The following ACADSB variants were observed in gnomAD, a reference collection of about 807,000 sequenced individuals.
The protein encoded by ACADSB is acyl-CoA dehydrogenase short/branched chain.
Under a neutral mutation model 54.1 loss-of-function variants are expected in ACADSB, and 40 were observed. The ratio of observed to expected loss-of-function variants is 0.74; its 90% CI spans 0.57 to 0.96. ACADSB has a LOEUF of 0.96. ACADSB is among the 40% of genes least tolerant of loss of function. The probability of loss-of-function intolerance (pLI) is 0.00; values close to 1 mark genes in which losing one functional copy is unlikely to be tolerated. For missense variants in ACADSB, 530 were observed against 510.4 expected (o/e 1.04, Z -0.37); for synonymous variants, 182 against 182.8 (o/e 1.00, Z 0.03).
chr10:123,057,051 T>C lies in ACADSB; in HGVS notation c.*3286T>C, dbSNP rs1850718042. 1 of 152,650 alleles carries C rather than the reference T, an allele frequency of 6.6e-6. No homozygotes were observed. Among genetic ancestry groups the C allele is most frequent in the Non-Finnish European group, 1.5e-5 (1 of 68,042 alleles). 9.5% of individuals were successfully genotyped at this position (152,650 alleles called of 1,614,324 possible). On this transcript the variant is annotated 3_prime_UTR_variant, in exon 11 of 11. Transcript: ENST00000358776. ...TGATAAGAGTATGACATGGATGAAATGCCCTACAGGGGCCTTGGACATCTT... is the reference window on the plus strand; with the variant it reads ...TGATAAGAGTATGACATGGATGAAACGCCCTACAGGGGCCTTGGACATCTT...
rs7914164 is a variant in ACADSB at position 123,056,255 on chromosome 10, T to C, written c.*2490T>C. Reference sequence around the variant, plus strand: ...GAAGAAAAAGAGGTTTAATTGGACTTACAGTTCCACATGGCCGGGGAGGCC... The same window carrying C: ...GAAGAAAAAGAGGTTTAATTGGACTCACAGTTCCACATGGCCGGGGAGGCC... On this transcript the variant is annotated 3_prime_UTR_variant, in exon 11 of 11. Coordinates refer to ENST00000358776, the MANE Select transcript of ACADSB (RefSeq NM_001609.4). The C allele has an allele frequency of 0.18, 35,523 of 199,620 alleles. 3,464 individuals are homozygous for C. Among genetic ancestry groups the C allele is most frequent in the African/African-American group, 0.25 (10,469 of 42,134 alleles). The allele number at this position is 199,620 out of a possible 1,614,324, so 12.4% of individuals were successfully genotyped here. A position where few individuals can be genotyped will look rare whatever the true frequency, so the allele number is the denominator to read the frequency against.
chr10:123,058,238 C>G lies in ACADSB; in HGVS notation c.*4473C>G, dbSNP rs1050692647. On this transcript the variant is annotated 3_prime_UTR_variant, in exon 11 of 11. Coordinates refer to ENST00000358776, the MANE Select transcript of ACADSB (RefSeq NM_001609.4). ...ATATATTGGATTGTATTCGATGTTA[C>G]AAAACCAATATTCTATGGAGAATGA... is the stretch of plus-strand genomic sequence containing the variant. The G allele has an allele frequency of 6.6e-6, 1 of 151,944 alleles. No individual in the cohort carries two copies. The highest frequency in any genetic ancestry group is 1.5e-5 in the Non-Finnish European group (1 of 67,982). The allele number at this position is 151,944 out of a possible 1,614,324, so 9.4% of individuals were successfully genotyped here.
rs1414005573 is a variant in ACADSB at position 123,037,757 on chromosome 10, T to C, written c.213T>C (p.Phe71=). The C allele has an allele frequency of 6.2e-7, 1 of 1,607,542 alleles. No individual in the cohort carries two copies. The highest frequency in any genetic ancestry group is 1.1e-5 in the South Asian group (1 of 90,946). ...TTCTTTTTCCTACAGTTAAAAAATTTGCTCAGGAACAAATTGCACCTTTGG... is the reference window on the plus strand; with the variant it reads ...TTCTTTTTCCTACAGTTAAAAAATTCGCTCAGGAACAAATTGCACCTTTGG... The part of the protein sequence containing the change: ...EMMIKSSVKK[F]AQEQIAPLVS... Residue 71 remains phenylalanine, a synonymous_variant, in exon 3 of 11, where the codon TTT becomes TTC. Coordinates refer to ENST00000358776, the MANE Select transcript of ACADSB (RefSeq NM_001609.4).
In ACADSB at chr10:123,047,299, G is replaced by A. The variant is rs760780506; in HGVS notation, c.990+1G>A. The A allele has an allele frequency of 9.6e-6, 15 of 1,558,286 alleles. No individual in the cohort carries two copies. In the South Asian group the frequency reaches 1.1e-4, roughly 12 times the overall value. Reference sequence around the variant, plus strand: ...TGGCAAAAGACTATTTGATTTTCAGGTATGTAATTATTAGGGTCTTTCTGC... The same window carrying A: ...TGGCAAAAGACTATTTGATTTTCAGATATGTAATTATTAGGGTCTTTCTGC... On this transcript the variant is annotated splice_donor_variant, in intron 8 of 10. Transcript: ENST00000358776. LOFTEE classifies it high-confidence loss of function.
chr10:123,033,979 C>T (rs1850362143), intron 1 of ACADSB, among the ~76,000 whole-genome samples: 1 of 152,194 alleles, frequency 6.6e-6, no homozygotes. Context: ...GCTCTGTGCC[C>T]TCACAAGAGA....
At position 123,013,038 on chromosome 10, in the gene ACADSB, C is replaced by T. The variant is rs954708321; in HGVS notation, c.42+3967C>T. ...CAAACCCTGAACTAGACACAGAGTG[C>T]GGATTGGTGCATTTACAAACCTTGA... On this transcript the variant is annotated intron_variant, in intron 1 of 10. Coordinates refer to ENST00000358776, the MANE Select transcript of ACADSB (RefSeq NM_001609.4). Among the ~76,000 whole-genome samples the T allele has an allele frequency of 1.3e-5, 2 of 152,038 alleles. 1 individual carries two copies. The highest frequency in any genetic ancestry group is 1.3e-4 in the Admixed American group (2 of 15,278).
intron 2 of ACADSB, among the ~76,000 whole-genome samples, chr10:123,035,001 G>A (rs1276364429): frequency 6.6e-6 from 1 of 150,946 alleles, no homozygotes; most frequent in Non-Finnish European, 1.5e-5. Flanking sequence ...CCAGGCTGGA[G>A]TGCAGTGGCG....
intron 1 of ACADSB, among the ~76,000 whole-genome samples, chr10:123,010,211 A>T (rs552863370): frequency 6.6e-6 from 1 of 152,350 alleles, no homozygotes; most frequent in East Asian, 1.9e-4. Context: ...TTCTCGTTCT[A>T]CCTGAGTCAT....
intron 1 of ACADSB, among the ~76,000 whole-genome samples, chr10:123,026,885 G>T (rs566252111): frequency 1.3e-5 from 2 of 152,184 alleles, no homozygotes; most frequent in African/African-American, 4.8e-5. Context: ...AAAGAAACAG[G>T]TTGCCTATGG....
chr10:123,012,695 G>A (rs946229274), intron 1 of ACADSB, among the ~76,000 whole-genome samples: 1 of 151,842 alleles, frequency 6.6e-6, no homozygotes. Flanking sequence ...TTGTGGCCTC[G>A]CTGGCTTCAG....
chr10:123,029,725 T>C (rs1215031032), intron 1 of ACADSB, among the ~76,000 whole-genome samples: 1 of 152,210 alleles, frequency 6.6e-6, no homozygotes, highest in Non-Finnish European at 1.5e-5. Flanking sequence ...ATTTTTAGTG[T>C]TTTGCCTTTA....
rs754348388 is a variant in ACADSB, at chr10:123,034,378, G to A, written c.65G>A (p.Cys22Tyr). ...SRLLRRNFLT[C>Y]LSSWKIPPHV... ...CAGCTAAGAAGAAATTTCCTGACTT[G>A]TTTGTCTTCTTGGAAGATTCCTCCT... The change falls in exon 2 of 11, where the codon TGT becomes TAT. Residue 22 changes from cysteine to tyrosine, a missense_variant. By Grantham distance (194) the Cys-to-Tyr change is radical. Transcript: ENST00000358776. 11 of 1,613,792 alleles carry A rather than the reference G, an allele frequency of 6.8e-6. No homozygotes were observed. In the Admixed American group the frequency reaches 1.8e-4, roughly 27 times the overall value.
chr10:123,023,841 A>T (rs1385482945), intron 1 of ACADSB, among the ~76,000 whole-genome samples: 1 of 152,208 alleles, frequency 6.6e-6, no homozygotes, highest in African/African-American at 2.4e-5. Flanking sequence ...GTATTGCAAA[A>T]TTTCCCATTG....
intron 1 of ACADSB, among the ~76,000 whole-genome samples, chr10:123,028,623 A>G (rs1044081167): frequency 6.6e-6 from 1 of 152,226 alleles, no homozygotes; most frequent in Non-Finnish European, 1.5e-5. Context: ...TGGTCCTGCC[A>G]TTGCACTCCA....
At chr10:123,044,561 A>G in intron 7 of ACADSB, 76 bp downstream of exon 7, 1 of 1,164,562 alleles carries the variant, frequency 8.6e-7, no homozygotes, top group East Asian at 2.4e-5. Flanking sequence ...GAGACCAATG[A>G]ATATTTGGAA....
In ACADSB at chr10:123,054,992, A is replaced by C. The variant is rs1273109543; in HGVS notation, c.*1227A>C. The C allele has an allele frequency of 6.6e-6, 1 of 152,250 alleles. No individual in the cohort carries two copies. Among genetic ancestry groups the C allele is most frequent in the African/African-American group, 2.4e-5 (1 of 41,468 alleles). 9.4% of individuals were successfully genotyped at this position (152,250 alleles called of 1,614,324 possible). ...GAAGTGTATCAAAATCTCATAAGGA[A>C]TGAGGGAGAGAAGGGGGCTGTAGAG... On this transcript the variant is annotated 3_prime_UTR_variant, in exon 11 of 11. Coordinates refer to ENST00000358776, the MANE Select transcript of ACADSB (RefSeq NM_001609.4).
At chr10:123,046,561 G>A (rs909891121) in intron 7 of ACADSB, among the ~76,000 whole-genome samples, 5 of 152,260 alleles carry the variant, frequency 3.3e-5, no homozygotes, top group Admixed American at 1.3e-4. Flanking sequence ...ACAGAGTTGA[G>A]GTTTAGGTCA....
Position 123,052,894 on chromosome 10 carries a change from A to G in ACADSB, c.1129-167A>G. On this transcript the variant is annotated intron_variant, in intron 9 of 10. Coordinates refer to ENST00000358776, the MANE Select transcript of ACADSB (RefSeq NM_001609.4). This position sits in a 1 kb window ranked among gnomAD's most constrained non-coding sequence, Gnocchi z 4.2. ...GTGAATTAATAGGATGTTTTACAGA[A>G]ATGGTATGGAGAATGGGACTGAAGA... 1.5e-6 allele frequency: 1 copy of G among 666,278 alleles called. No homozygotes were observed. The highest frequency in any genetic ancestry group is 2.2e-5 in the Admixed American group (1 of 46,338). 41.3% of individuals were successfully genotyped at this position (666,278 alleles called of 1,614,324 possible).
chr10:123,049,711 C>T (rs150640979), intron 8 of ACADSB, among the ~76,000 whole-genome samples: 12 of 152,250 alleles, frequency 7.9e-5, no homozygotes, highest in African/African-American at 2.2e-4. Context: ...ATTCTTTCTA[C>T]GTGAGAAAAT....
Sources: gnomAD v4.1 joint callset for allele counts (sites outside exome capture counted in the v4.1 genomes callset) on GRCh38, gnomAD v4.1.1 for gene constraint, Gnocchi (gnomAD v3.1) non-coding constraint, MANE v1.5 for transcripts, NCBI Gene and HGNC (gene_info 2026-07-23, HGNC 2026-07-21) for gene names.